CRTC1: variants seen among roughly 807,000 people sequenced by gnomAD.
The protein encoded by CRTC1 is CREB regulated transcription coactivator 1.
A neutral mutation model predicts 66.1 loss-of-function variants in CRTC1; 18 were observed. That is an observed-to-expected ratio of 0.27 (90% CI 0.19 to 0.40). The LOEUF (loss-of-function observed/expected upper bound fraction) is 0.40. Among genes scored for constraint, CRTC1 ranks in the 10% least tolerant of loss-of-function variants. The pLI, the probability that CRTC1 is intolerant of heterozygous loss-of-function variation, is 1.00. For synonymous variants in CRTC1, 416 were observed against 398.8 expected (o/e 1.04, Z -0.51); for missense variants, 669 against 887.9 (o/e 0.75, Z 3.13).
At chr19:18,708,869 G>A (rs964054893) in intron 1 of CRTC1, among the ~76,000 whole-genome samples, 6 of 152,166 alleles carry the variant, frequency 3.9e-5, no homozygotes, top group Non-Finnish European at 7.4e-5. Context: ...CCCTGCCCAC[G>A]CCGTGGCAAG....
At chr19:18,727,964 G>A (rs2053798848) in intron 1 of CRTC1, among the ~76,000 whole-genome samples, 1 of 152,116 alleles carries the variant, frequency 6.6e-6, no homozygotes, top group South Asian at 2.1e-4. Flanking sequence ...GACCTCAGGT[G>A]ATCCACCCAC....
At chr19:18,746,936 GT>G (rs1600923643) in intron 3 of CRTC1, 116 bp from the exon 4 acceptor site, 5 of 874,856 alleles carry the variant, frequency 5.7e-6, no homozygotes, top group Non-Finnish European at 9.4e-6. Flanking sequence ...GGTCCCAGCT[GT>G]TTGCAGGCCT....
At chr19:18,772,152 C>T (rs1206834175) in intron 11 of CRTC1, among the ~76,000 whole-genome samples, 1 of 152,152 alleles carries the variant, frequency 6.6e-6, no homozygotes, top group Non-Finnish European at 1.5e-5. Flanking sequence ...CACCCAGCAC[C>T]GTAGGACCCT....
At chr19:18,716,439 A>C (rs958921156) in intron 1 of CRTC1, among the ~76,000 whole-genome samples, 1 of 151,972 alleles carries the variant, frequency 6.6e-6, no homozygotes, top group Admixed American at 6.6e-5. Flanking sequence ...TTTAGTAGAG[A>C]TGGGGTTTCA....
At chr19:18,729,439 G>GAA (rs200645429) in intron 1 of CRTC1, among the ~76,000 whole-genome samples, 1 of 139,624 alleles carries the variant, frequency 7.2e-6, no homozygotes. Flanking sequence ...AAAAAAAAAA[G>GAA]AAAAAAAAAA....
chr19:18,685,130 C>G lies in CRTC1; in HGVS notation c.126+1302C>G, dbSNP rs184303219. 2.1e-3 allele frequency among the ~76,000 whole-genome samples: 326 copies of G among 152,260 alleles called. 1 individual carries two copies. The highest frequency in any genetic ancestry group is 2.4e-3 in the Non-Finnish European group (166 of 68,022). Reference sequence around the variant, plus strand: ...TCTCTGATTCCTTAGGTAGCACTTTCAGTCTGTGTTACTTTGTAACTAGTT... The same window carrying G: ...TCTCTGATTCCTTAGGTAGCACTTTGAGTCTGTGTTACTTTGTAACTAGTT... On this transcript the variant is annotated intron_variant, in intron 1 of 13. Coordinates refer to ENST00000321949, the MANE Select transcript of CRTC1 (RefSeq NM_015321.3).
chr19:18,773,064 G>A (rs532120964), intron 11 of CRTC1, among the ~76,000 whole-genome samples: 41 of 152,328 alleles, frequency 2.7e-4, no homozygotes, highest in African/African-American at 9.6e-4. Context: ...AAGCGGGTTA[G>A]TCTGCTGGGC....
Position 18,683,684 on chromosome 19 carries a change from AG to A in CRTC1, c.-17del. The A allele has an allele frequency of 7.3e-7, 1 of 1,372,220 alleles. No homozygotes were observed. Among genetic ancestry groups the A allele is most frequent in the African/African-American group, 1.6e-5 (1 of 64,262 alleles). The allele number at this position is 1,372,220 out of a possible 1,614,324, so 85.0% of individuals were successfully genotyped here. On this transcript the variant is annotated 5_prime_UTR_variant, in exon 1 of 14. Coordinates refer to ENST00000321949, the MANE Select transcript of CRTC1 (RefSeq NM_015321.3). ...GAGGTGGAGGAGGAGGAGGAGGAGG[AG>A]GAGGTGGCGGCGAGAAGATGGCGAC...
At chr19:18,742,744 G>A (rs567628414) in intron 1 of CRTC1, among the ~76,000 whole-genome samples, 166 bp from the exon 2 acceptor site, 3 of 152,234 alleles carry the variant, frequency 2.0e-5, no homozygotes, top group Non-Finnish European at 4.4e-5. Flanking sequence ...CATTTTTGGT[G>A]GAGGGACACC....
chr19:18,717,727 C>T (rs1053138076), intron 1 of CRTC1, among the ~76,000 whole-genome samples: 16 of 151,814 alleles, frequency 1.1e-4, no homozygotes, highest in Middle Eastern at 3.2e-3. Flanking sequence ...GGCCAAATGC[C>T]GGGTGGGAGC....
chr19:18,753,610 A>G (rs767364621), intron 6 of CRTC1, 25 bp downstream of exon 6: 11 of 1,564,858 alleles, frequency 7.0e-6, no homozygotes, highest in Middle Eastern at 1.7e-4. Flanking sequence ...GCTTTCAAAA[A>G]CTTTTTTTCT....
chr19:18,690,381 C>T (rs2052801334), intron 1 of CRTC1, among the ~76,000 whole-genome samples: 1 of 152,174 alleles, frequency 6.6e-6, no homozygotes, highest in African/African-American at 2.4e-5. Context: ...CTATTTGTTT[C>T]TGTGCCGGCT....
At chr19:18,708,175 G>A (rs1175458082) in intron 1 of CRTC1, among the ~76,000 whole-genome samples, 1 of 152,164 alleles carries the variant, frequency 6.6e-6, no homozygotes, top group Non-Finnish European at 1.5e-5. Context: ...CCTACAGGAG[G>A]CAGGGAAGGA....
rs1156821793 is a variant in CRTC1, at chr19:18,775,649, G to A, written c.1521G>A (p.Gln507=). 1.3e-6 allele frequency: 2 copies of A among 1,596,596 alleles called. No homozygotes were observed. Among genetic ancestry groups the A allele is most frequent in the Admixed American group, 3.5e-5 (2 of 57,320 alleles). ...TGTGCCTCCCTTCCCAGCTGGAGCA[G>A]TTCAACATGATGGAGAACGCCATCA... ...QANALSHQLE[Q]FNMMENAISS... Residue 507 remains glutamine (Q), a synonymous_variant, in exon 13 of 14, where the codon CAG becomes CAA. Coordinates refer to ENST00000321949, the MANE Select transcript of CRTC1 (RefSeq NM_015321.3).
intron 1 of CRTC1, among the ~76,000 whole-genome samples, chr19:18,688,995 G>C (rs889056832): frequency 6.6e-6 from 1 of 152,002 alleles, no homozygotes; most frequent in African/African-American, 2.4e-5. Flanking sequence ...ACCCAGTCTG[G>C]AGTGCAGTGG....
chr19:18,742,410 G>C (rs2054130968), intron 1 of CRTC1, among the ~76,000 whole-genome samples: 1 of 152,206 alleles, frequency 6.6e-6, no homozygotes, highest in African/African-American at 2.4e-5. Flanking sequence ...CCCTGGCTCT[G>C]TGTGGGCTGC....
chr19:18,775,200 C>T (rs1168502844), intron 12 of CRTC1, among the ~76,000 whole-genome samples: 1 of 152,258 alleles, frequency 6.6e-6, no homozygotes, highest in Non-Finnish European at 1.5e-5. Context: ...CCTCCCCTGG[C>T]ATCTTTGCCC....
chr19:18,750,561 G>A (rs1329614115), intron 5 of CRTC1, among the ~76,000 whole-genome samples: 1 of 152,256 alleles, frequency 6.6e-6, no homozygotes, highest in Non-Finnish European at 1.5e-5. Context: ...AGGGAGCTTG[G>A]AGGCTTGAGG....
At chr19:18,770,846 ATGTGGG>A (rs1272197206) in intron 10 of CRTC1, among the ~76,000 whole-genome samples, 5 of 147,598 alleles carry the variant, frequency 3.4e-5, no homozygotes, top group Non-Finnish European at 6.0e-5. Context: ...GTGGGTGTGC[ATGTGGG>A]TGTGGGTGTG....
Sources: gnomAD v4.1 joint callset for allele counts (sites outside exome capture counted in the v4.1 genomes callset) on GRCh38, gnomAD v4.1.1 for gene constraint, MANE v1.5 for transcripts, NCBI Gene and HGNC (gene_info 2026-07-23, HGNC 2026-07-21) for gene names.